OR9K2: variants seen among roughly 807,000 people sequenced by gnomAD.
OR9K2 encodes the protein olfactory receptor 9K2.
In OR9K2, 16 loss-of-function variants were observed where a neutral mutation model predicts 12.4. That is an observed-to-expected ratio of 1.29 (90% CI 0.87 to 1.95). The LOEUF (loss-of-function observed/expected upper bound fraction) is 1.95, where lower values mean the gene tolerates loss of function less well. Among genes scored for constraint, OR9K2 ranks in the 30% most tolerant of loss-of-function variants. The probability of loss-of-function intolerance (pLI) is 0.00; values close to 1 mark genes in which losing one functional copy is unlikely to be tolerated. For missense variants in OR9K2, 434 were observed against 376.5 expected, an observed-to-expected ratio of 1.15 and a Z score of -1.26; for synonymous variants, 133 against 133.2, an observed-to-expected ratio of 1.00 and a Z score of 0.01.
Position 55,131,940 on chromosome 12 carries a change from C to T in OR9K2, c.*1164C>T, listed in dbSNP as rs1422534341. Reference sequence around the variant, plus strand: ...TTTTTTAAACTGCAGGTAAAAGACCCAAAATATATTAACTGACTAGTATGA... The same window carrying T: ...TTTTTTAAACTGCAGGTAAAAGACCTAAAATATATTAACTGACTAGTATGA... On this transcript the variant is annotated 3_prime_UTR_variant, in exon 3 of 3. Transcript: ENST00000641329. The T allele has an allele frequency of 1.3e-5, 2 of 151,944 alleles. No individual in the cohort carries two copies. The allele number at this position is 151,944 out of a possible 1,614,324, so 9.4% of individuals were successfully genotyped here.
At chr12:55,129,432 A>G (rs1953452233) in intron 2 of OR9K2, among the ~76,000 whole-genome samples, 1 of 152,068 alleles carries the variant, frequency 6.6e-6, no homozygotes, top group South Asian at 2.1e-4. Flanking sequence ...ACCCAAACTA[A>G]CTAATGTGCT....
In OR9K2 at chr12:55,130,563, C is replaced by T. The variant is rs369944089; in HGVS notation, c.729C>T (p.Thr243=). 1.9e-6 allele frequency: 3 copies of T among 1,613,630 alleles called. No individual in the cohort carries two copies. The African/African-American group carries it at 4.0e-5, about 22-fold the overall frequency. The part of the protein sequence containing the change: ...STEGHKKAFS[T]CSSHLGVVSV... ...AGGGACATAAGAAGGCCTTCTCCAC[C>T]TGCAGCTCTCACCTGGGAGTTGTGA... is the stretch of plus-strand genomic sequence containing the variant. Residue 243 remains threonine, a synonymous_variant, in exon 3 of 3, where the codon ACC becomes ACT. Coordinates refer to ENST00000641329, the MANE Select transcript of OR9K2 (RefSeq NM_001005243.2).
rs1187107389 is a variant in OR9K2 at position 55,126,905 on chromosome 12, A to G, written c.-16A>G. ...CCAGAATCTGACCAGTTACTAAACA[A>G]TACAAGGTAAAAGTAACTTAAAACC... On this transcript the variant is annotated 5_prime_UTR_variant, in exon 2 of 3. Coordinates refer to ENST00000641329, the MANE Select transcript of OR9K2 (RefSeq NM_001005243.2). The G allele has an allele frequency of 6.6e-6, 1 of 152,144 alleles. No homozygotes were observed. Among genetic ancestry groups the G allele is most frequent in the Non-Finnish European group, 1.5e-5 (1 of 67,980 alleles). The allele number at this position is 152,144 out of a possible 1,614,324, so 9.4% of individuals were successfully genotyped here. A position where few individuals can be genotyped will look rare whatever the true frequency, so the allele number is the denominator to read the frequency against.
chr12:55,129,348 T>A (rs1227901271), intron 2 of OR9K2, among the ~76,000 whole-genome samples: 1 of 152,136 alleles, frequency 6.6e-6, no homozygotes, highest in Non-Finnish European at 1.5e-5. Flanking sequence ...AGTCACTTCC[T>A]TTATATTTGT....
intron 2 of OR9K2, chr12:55,129,596 A>T: frequency 1.7e-6 from 1 of 589,854 alleles, no homozygotes; most frequent in Non-Finnish European, 3.0e-6. Context: ...TATTAGATGC[A>T]GAGGCAAAAA....
At position 55,129,970 on chromosome 12, in the gene OR9K2, G is replaced by A. The variant is rs1953457089; in HGVS notation, c.136G>A (p.Val46Ile). ...FVYAMILLGN[V>I]GMMTIIMTDP... The stretch of plus-strand genomic sequence containing the variant: ...TTATGCCATGATCCTTCTAGGGAAT[G>A]TTGGGATGATGACCATTATTATGAC... The change falls in exon 3 of 3, where the codon GTT becomes ATT. Residue 46 changes from valine (V) to isoleucine (I), a missense_variant. Transcript: ENST00000641329. The A allele has an allele frequency of 1.9e-6, 3 of 1,613,956 alleles. No individual in the cohort carries two copies. Among genetic ancestry groups the A allele is most frequent in the Non-Finnish European group, 2.5e-6 (3 of 1,179,926 alleles).
intron 2 of OR9K2, among the ~76,000 whole-genome samples, chr12:55,129,211 A>G (rs534317138): frequency 6.6e-6 from 1 of 152,286 alleles, no homozygotes; most frequent in East Asian, 1.9e-4. Context: ...GAATATGAGT[A>G]GTAATAATTT....
chr12:55,130,706 ACT>A lies in OR9K2; in HGVS notation c.877_878del (p.Leu293GlufsTer36). 2 of 1,610,146 alleles carry A rather than the reference ACT, an allele frequency of 1.2e-6. No individual in the cohort carries two copies. Among genetic ancestry groups the A allele is most frequent in the Non-Finnish European group, 1.7e-6 (2 of 1,176,570 alleles). ...ACTCCCATGTTGAATCCTTTGATTTACTCTCTGAGGAACAAAGATGTCCAAGA... is the reference window on the plus strand; with the variant it reads ...ACTCCCATGTTGAATCCTTTGATTTACTCTGAGGAACAAAGATGTCCAAGA... On this transcript the variant is annotated frameshift_variant, in exon 3 of 3. Coordinates refer to ENST00000641329, the MANE Select transcript of OR9K2 (RefSeq NM_001005243.2). LOFTEE classifies it high-confidence loss of function.
chr12:55,127,378 T>C (rs1341531701), intron 2 of OR9K2, among the ~76,000 whole-genome samples: 1 of 151,858 alleles, frequency 6.6e-6, no homozygotes, highest in Non-Finnish European at 1.5e-5. Context: ...AGATAAATTA[T>C]ATATATTATT....
At chr12:55,129,438 G>A (rs1953452258) in intron 2 of OR9K2, among the ~76,000 whole-genome samples, 2 of 151,940 alleles carry the variant, frequency 1.3e-5, no homozygotes, top group South Asian at 2.1e-4. Context: ...ACTAACTAAT[G>A]TGCTTCCCAA....
At position 55,130,289 on chromosome 12, in the gene OR9K2, A is replaced by G; in HGVS notation, c.455A>G (p.Tyr152Cys). 1 of 1,613,686 alleles carries G rather than the reference A, an allele frequency of 6.2e-7. No homozygotes were observed. Among genetic ancestry groups the G allele is most frequent in the Non-Finnish European group, 8.5e-7 (1 of 1,179,932 alleles). ...RLCTQLVAGS[Y>C]FCGCISSVIQ... ...TGTACTCAGTTGGTGGCTGGTTCCT[A>G]TTTTTGTGGCTGCATTAGCTCAGTT... The change falls in exon 3 of 3, where the codon TAT becomes TGT. Residue 152 changes from tyrosine (Y) to cysteine (C), a missense_variant. Tyr to Cys is a radical substitution (Grantham distance 194). Transcript: ENST00000641329.
At position 55,130,576 on chromosome 12, in the gene OR9K2, C is replaced by T; in HGVS notation, c.742C>T (p.Leu248=). 6.2e-7 allele frequency: 1 copy of T among 1,613,730 alleles called. No homozygotes were observed. Among genetic ancestry groups the T allele is most frequent in the Admixed American group, 1.7e-5 (1 of 59,954 alleles). Residue 248 remains leucine (L), a synonymous_variant, in exon 3 of 3, where the codon CTG becomes TTG. Transcript: ENST00000641329. ...GGCCTTCTCCACCTGCAGCTCTCAC[C>T]TGGGAGTTGTGAGTGTGCTGTATGG... ...KKAFSTCSSH[L]GVVSVLYGAV...
chr12:55,129,723 T>A, intron 2 of OR9K2, 103 bp from the exon 3 acceptor site: 1 of 1,389,632 alleles, frequency 7.2e-7, no homozygotes. Flanking sequence ...TAACATTAAT[T>A]TAAAAATAGC....
Position 55,130,138 on chromosome 12 carries a change from G to A in OR9K2, c.304G>A (p.Ala102Thr), listed in dbSNP as rs1355825530. Residue 102 changes from alanine to threonine, a missense_variant, in exon 3 of 3, where the codon GCC (alanine) becomes ACC (threonine). Coordinates refer to ENST00000641329, the MANE Select transcript of OR9K2 (RefSeq NM_001005243.2). ...GTCTATCTCCTTTGCAGGCTGTGTG[G>A]CCCAGCTCTTTCTCTTTGCCCTCCT... ...NKSISFAGCV[A>T]QLFLFALLIV... 1 of 1,613,750 alleles carries A rather than the reference G, an allele frequency of 6.2e-7. No individual in the cohort carries two copies.
At position 55,131,833 on chromosome 12, in the gene OR9K2, T is replaced by C. The variant is rs1033094274; in HGVS notation, c.*1057T>C. On this transcript the variant is annotated 3_prime_UTR_variant, in exon 3 of 3. Coordinates refer to ENST00000641329, the MANE Select transcript of OR9K2 (RefSeq NM_001005243.2). ...GAACATTGCGCAAAGGGGGATTAGA[T>C]TGAAGTCAGGAAACCTGCTGCAGTG... is the stretch of plus-strand genomic sequence containing the variant. The C allele has an allele frequency of 1.3e-5, 2 of 152,140 alleles. No homozygotes were observed. The highest frequency in any genetic ancestry group is 6.6e-5 in the Admixed American group (1 of 15,258). The allele number at this position is 152,140 out of a possible 1,614,324, so 9.4% of individuals were successfully genotyped here.
At chr12:55,129,036 T>C (rs61956880) in intron 2 of OR9K2, among the ~76,000 whole-genome samples, 6,006 of 152,208 alleles carry the variant, frequency 0.039, 159 homozygotes, top group Non-Finnish European at 0.061. Context: ...GGTGATTAAA[T>C]GATCTGTACA....
intron 2 of OR9K2, among the ~76,000 whole-genome samples, chr12:55,128,145 C>G (rs774960824): frequency 1.3e-5 from 2 of 151,690 alleles, no homozygotes; most frequent in East Asian, 3.9e-4. Flanking sequence ...AGACACATAA[C>G]GTTATGCTGA....
At chr12:55,128,091 T>TTCAAC (rs1592489055) in intron 2 of OR9K2, among the ~76,000 whole-genome samples, 1 of 151,958 alleles carries the variant, frequency 6.6e-6, no homozygotes, top group African/African-American at 2.4e-5. Flanking sequence ...ATCATTATCA[T>TTCAAC]TCAACTTTTA....
At chr12:55,128,604 A>G (rs1384515934) in intron 2 of OR9K2, among the ~76,000 whole-genome samples, 4 of 152,122 alleles carry the variant, frequency 2.6e-5, no homozygotes, top group African/African-American at 9.6e-5. Flanking sequence ...GCTACTATGA[A>G]AGCATTTAGA....
Sources: allele counts gnomAD v4.1 joint callset (sites outside exome capture counted in the v4.1 genomes callset), GRCh38; gene constraint gnomAD v4.1.1; transcripts MANE v1.5; gene names NCBI Gene and HGNC (gene_info 2026-07-23, HGNC 2026-07-21).